The following SULF2 variants were observed in gnomAD, a reference collection of about 807,000 sequenced individuals.
SULF2 encodes the protein extracellular sulfatase Sulf-2.
Under a neutral mutation model 107.7 loss-of-function variants are expected in SULF2, and 52 were observed. That is an observed-to-expected ratio of 0.48 (90% CI 0.39 to 0.61). SULF2 has a LOEUF of 0.61. Ranked by LOEUF, SULF2 falls within the 20% of genes least tolerant of loss-of-function variation. SULF2 has a pLI of 0.00. For missense variants in SULF2, 993 were observed against 1,177.3 expected (o/e 0.84, Z 2.29); for synonymous variants, 460 against 464.3 (o/e 0.99, Z 0.12).
At chr20:47,705,815 T>TC (rs1272644869) in intron 3 of SULF2, among the ~76,000 whole-genome samples, 1 of 150,992 alleles carries the variant, frequency 6.6e-6, no homozygotes, top group Admixed American at 6.6e-5. Flanking sequence ...TTTTTTTTTT[T>TC]TTTGAGAGAG....
At chr20:47,785,644 C>T (rs966246256), upstream of SULF2, among the ~76,000 whole-genome samples, 2 of 146,562 alleles carry the variant, frequency 1.4e-5, no homozygotes, top group African/African-American at 4.9e-5. Context: ...GCCGGCCACG[C>T]TGCCCCAGCC....
chr20:47,731,043 C>T (rs1004724671), intron 3 of SULF2, among the ~76,000 whole-genome samples: 1 of 152,124 alleles, frequency 6.6e-6, no homozygotes, highest in Non-Finnish European at 1.5e-5. Context: ...AAAGGATGCT[C>T]TCTTGCTCCT....
rs749520988 is a variant in SULF2 at position 47,659,454 on chromosome 20, TAA to T, written c.2529-4_2529-3del. 62 of 1,613,918 alleles carry T rather than the reference TAA, an allele frequency of 3.8e-5. No homozygotes were observed. The highest frequency in any genetic ancestry group is 1.6e-4 in the Middle Eastern group (1 of 6,084). ...GGCCACTTTCGACGCTGAAACTGCC[TAA>T]GTTTTCAAGTGTCAAAGGAGAATGA... On this transcript the variant is annotated splice_polypyrimidine_tract_variant and splice_region_variant and intron_variant, in intron 19 of 20. Transcript: ENST00000688720.
intron 3 of SULF2, among the ~76,000 whole-genome samples, chr20:47,705,795 TTTTC>T (rs1239540124): frequency 3.5e-5 from 4 of 113,780 alleles, no homozygotes; most frequent in Non-Finnish European, 5.9e-5. Flanking sequence ...AAACCTTTTC[TTTTC>T]TTTTCTTTTT....
At chr20:47,780,110 G>A (rs368238023) in intron 1 of SULF2, among the ~76,000 whole-genome samples, 6 of 147,886 alleles carry the variant, frequency 4.1e-5, no homozygotes, top group African/African-American at 7.5e-5. Context: ...CCTGCCTCCC[G>A]GGTTCAAGTG....
Position 47,683,033 on chromosome 20 carries a change from G to C in SULF2, c.1025C>G (p.Pro342Arg). Residue 342 changes from proline (P) to arginine (R), a missense_variant, in exon 7 of 21, where the codon CCG (proline) becomes CGG (arginine). By Grantham distance (103) the Pro-to-Arg change is moderately radical. Around this residue, in one of 3 missense-constraint regions of SULF2, gnomAD observed 108 missense variants for 183.9 expected, o/e 0.59. Transcript: ENST00000688720. ...CACGTTGGGGCCCCTCACGTAGAACGGGACCCTGATGTCAAACTCATATGG... is the reference window on the plus strand; with the variant it reads ...CACGTTGGGGCCCCTCACGTAGAACCGGACCCTGATGTCAAACTCATATGG... The part of the protein sequence containing the change: ...SMPYEFDIRV[P>R]FYVRGPNVEA... 1 of 1,613,124 alleles carries C rather than the reference G, an allele frequency of 6.2e-7. No individual in the cohort carries two copies. The highest frequency in any genetic ancestry group is 2.2e-5 in the East Asian group (1 of 44,858).
At chr20:47,677,938 AG>A (rs2087704072) in intron 8 of SULF2, 1 of 152,322 alleles carries the variant, frequency 6.6e-6, no homozygotes, top group South Asian at 2.1e-4. Context: ...CCACAGGGGA[AG>A]GGCTCCGCTG....
At chr20:47,707,755 A>C (rs935530341) in intron 3 of SULF2, among the ~76,000 whole-genome samples, 1 of 152,172 alleles carries the variant, frequency 6.6e-6, no homozygotes, top group African/African-American at 2.4e-5. Flanking sequence ...TTCTTCCCCT[A>C]AGCTAGCTTT....
intron 2 of SULF2, among the ~76,000 whole-genome samples, chr20:47,756,245 T>C (rs895888601): frequency 2.6e-5 from 4 of 152,212 alleles, no homozygotes; most frequent in South Asian, 2.1e-4. Flanking sequence ...AGACTCCCCA[T>C]AGTTATCAAA....
At chr20:47,741,894 C>T (rs1231266374) in intron 2 of SULF2, among the ~76,000 whole-genome samples, 2 of 152,228 alleles carry the variant, frequency 1.3e-5, no homozygotes. Flanking sequence ...CAGTGAACAG[C>T]CTCCAGAACC....
chr20:47,758,091 A>G (rs2090335855), intron 1 of SULF2, among the ~76,000 whole-genome samples: 1 of 150,300 alleles, frequency 6.7e-6, no homozygotes, highest in Non-Finnish European at 1.5e-5. Context: ...CTGTTGTAAG[A>G]TTTCAGTCTG....
intron 1 of SULF2, among the ~76,000 whole-genome samples, chr20:47,766,049 C>G (rs2090522110): frequency 6.6e-6 from 1 of 152,126 alleles, no homozygotes; most frequent in Admixed American, 6.5e-5. Flanking sequence ...ATGCTTCAGG[C>G]AGGAGAAACA....
Position 47,663,139 on chromosome 20 carries a change from G to A in SULF2, c.2301C>T (p.His767=). The A allele has an allele frequency of 6.2e-7, 1 of 1,614,186 alleles. No homozygotes were observed. Among genetic ancestry groups the A allele is most frequent in the Non-Finnish European group, 8.5e-7 (1 of 1,180,028 alleles). Residue 767 remains histidine (H), a synonymous_variant, in exon 17 of 21, where the codon CAC becomes CAT. Transcript: ENST00000688720. ...TTGCAAATTCACAGAAGAGGAAATT[G>A]TGAGTCTCATTGATGGTCCTCATGC... is the stretch of plus-strand genomic sequence containing the variant. ...YWCMRTINET[H]NFLFCEFATG...
At chr20:47,774,858 C>T (rs2090696622) in intron 1 of SULF2, among the ~76,000 whole-genome samples, 1 of 152,182 alleles carries the variant, frequency 6.6e-6, no homozygotes, top group Non-Finnish European at 1.5e-5. Flanking sequence ...ATGTCCCCAA[C>T]TGTCAAATAA....
Position 47,773,687 on chromosome 20 carries a change from C to T in SULF2, c.-101+11656G>A, listed in dbSNP as rs571919211. On this transcript the variant is annotated intron_variant, in intron 1 of 20. Transcript: ENST00000688720. ...CTGGCAGGGAGTTACAAAGTTATTT[C>T]TGCAAAAGGCCTTTGGCCAAAAGCA... 1.8e-4 allele frequency among the ~76,000 whole-genome samples: 28 copies of T among 152,394 alleles called. 2 individuals carry two copies. The highest frequency in any genetic ancestry group is 6.7e-4 in the African/African-American group (28 of 41,596).
At chr20:47,707,078 C>T (rs1303501693) in intron 3 of SULF2, among the ~76,000 whole-genome samples, 3 of 152,124 alleles carry the variant, frequency 2.0e-5, no homozygotes, top group Non-Finnish European at 4.4e-5. Context: ...CAACCTCTGC[C>T]TCCCAGGTTC....
At chr20:47,756,275 T>C (rs1472099583) in intron 2 of SULF2, among the ~76,000 whole-genome samples, 1 of 152,160 alleles carries the variant, frequency 6.6e-6, no homozygotes. Flanking sequence ...TTCTAAATGC[T>C]GCCAGGAGAT....
At chr20:47,710,929 T>G (rs1480409262) in intron 3 of SULF2, among the ~76,000 whole-genome samples, 1 of 152,170 alleles carries the variant, frequency 6.6e-6, no homozygotes, top group African/African-American at 2.4e-5. Flanking sequence ...CTGTTTTCTC[T>G]CCCAGCCCCA....
chr20:47,677,195 C>G, intron 8 of SULF2, 61 bp from the exon 9 acceptor site: 1 of 1,584,452 alleles, frequency 6.3e-7, no homozygotes, highest in Admixed American at 1.7e-5. Flanking sequence ...ACCCCCCGTT[C>G]CCCCAGGAGC....
Sources: gnomAD v4.1 joint callset for allele counts (sites outside exome capture counted in the v4.1 genomes callset) on GRCh38, gnomAD v4.1.1 for gene constraint, gnomAD v4.1.1 regional missense constraint, MANE v1.5 for transcripts, NCBI Gene and HGNC (gene_info 2026-07-23, HGNC 2026-07-21) for gene names.